The following NUP210L variants were observed in gnomAD, a reference collection of about 807,000 sequenced individuals.
NUP210L encodes the protein nuclear pore membrane glycoprotein 210-like.
A neutral mutation model predicts 208.5 loss-of-function variants in NUP210L; 74 were observed. That is an observed-to-expected ratio of 0.35 (90% confidence interval 0.29 to 0.43). NUP210L has a LOEUF of 0.43. Ranked by LOEUF, NUP210L falls within the 20% of genes least tolerant of loss-of-function variation. The pLI, the probability that NUP210L is intolerant of heterozygous loss-of-function variation, is 1.00. For synonymous variants in NUP210L, 780 were observed against 816.9 expected (o/e 0.95, Z 0.77); for missense variants, 1,843 against 2,289.4 (o/e 0.81, Z 3.98).
intron 34 of NUP210L, among the ~76,000 whole-genome samples, chr1:154,011,938 G>A (rs1033128524): frequency 1.8e-4 from 27 of 150,658 alleles, no homozygotes; most frequent in African/African-American, 5.9e-4. Flanking sequence ...TTGAACTCCC[G>A]ACCTCAGGTG....
Position 154,135,677 on chromosome 1 carries a change from T to G in NUP210L, c.1009+137A>C. The G allele has an allele frequency of 5.9e-6, 4 of 676,224 alleles. 1 individual carries two copies. The South Asian group carries it at 6.3e-5, about 11-fold the overall frequency. The allele number at this position is 676,224 out of a possible 1,614,324, so 41.9% of individuals were successfully genotyped here. A position where few individuals can be genotyped will look rare whatever the true frequency, so the allele number is the denominator to read the frequency against. ...ACCTTGTGATCAGCCCGCCTCGGCC[T>G]CCCAAAGTGCTGGAATTACAGGCGT... On this transcript the variant is annotated intron_variant, in intron 7 of 39. Coordinates refer to ENST00000368559, the Ensembl canonical transcript of NUP210L.
intron 13 of NUP210L, among the ~76,000 whole-genome samples, chr1:154,102,862 A>G (rs1571274792): frequency 4.1e-5 from 2 of 48,918 alleles, no homozygotes; most frequent in South Asian, 9.5e-4. Flanking sequence ...GACATATGGT[A>G]TATATATAAG....
chr1:154,030,643 G>A (rs1015147104), intron 27 of NUP210L, among the ~76,000 whole-genome samples: 2 of 152,086 alleles, frequency 1.3e-5, no homozygotes, highest in African/African-American at 4.8e-5. Context: ...TGGGGTACAT[G>A]AGATACTTTG....
At chr1:154,035,374 A>G (rs1652475124) in intron 27 of NUP210L, among the ~76,000 whole-genome samples, 1 of 149,268 alleles carries the variant, frequency 6.7e-6, no homozygotes, top group Non-Finnish European at 1.5e-5. Context: ...AAGATGCTTC[A>G]TTAGGCTTTT....
Position 154,152,725 on chromosome 1 carries a change from T to A in NUP210L, c.340+11A>T, listed in dbSNP as rs1417470333. 6.2e-7 allele frequency: 1 copy of A among 1,612,664 alleles called. No individual in the cohort carries two copies. The highest frequency in any genetic ancestry group is 2.2e-5 in the East Asian group (1 of 44,848). ...AAGAAGTGATACATAGTGTTTTTGC[T>A]CTCAACATACCTATTTCTCGAGCAA... On this transcript the variant is annotated intron_variant, in intron 2 of 39. Coordinates refer to ENST00000368559, the Ensembl canonical transcript of NUP210L.
intron 15 of NUP210L, among the ~76,000 whole-genome samples, chr1:154,090,965 A>G (rs1419412978): frequency 6.6e-6 from 1 of 151,782 alleles, no homozygotes; most frequent in East Asian, 1.9e-4. Context: ...TAGAATTACC[A>G]TATGATCAAG....
chr1:154,009,848 G>T, intron 35 of NUP210L, 124 bp downstream of exon 35: 8 of 709,248 alleles, frequency 1.1e-5, no homozygotes, highest in South Asian at 3.4e-5. Flanking sequence ...AATGTTGCCT[G>T]ACAAAGATTC....
At chr1:154,066,966 A>G (rs955951530) in intron 17 of NUP210L, among the ~76,000 whole-genome samples, 1 of 152,196 alleles carries the variant, frequency 6.6e-6, no homozygotes, top group African/African-American at 2.4e-5. Flanking sequence ...TACCAACCAA[A>G]AAAAGTCCAG....
intron 1 of NUP210L, among the ~76,000 whole-genome samples, chr1:154,153,230 T>C (rs1659490962): frequency 6.6e-6 from 1 of 152,172 alleles, no homozygotes; most frequent in African/African-American, 2.4e-5. Flanking sequence ...GCTTCTGATA[T>C]CTAGGATGGA....
chr1:154,058,661 C>T, exon 21 of NUP210L: 6 of 1,613,626 alleles, frequency 3.7e-6, no homozygotes, highest in Non-Finnish European at 4.2e-6. Context: ...CATAGACCTC[C>T]AAGGTAAAAA....
rs1200294757 is a variant in NUP210L at position 154,058,080 on chromosome 1, G to A, written c.3107+9C>T. 6 of 1,613,780 alleles carry A rather than the reference G, an allele frequency of 3.7e-6. No homozygotes were observed. Among genetic ancestry groups the A allele is most frequent in the Non-Finnish European group, 5.1e-6 (6 of 1,179,876 alleles). ...CAGAGTGGGAAGGAAGTATTGAAAT[G>A]GTACTTACGTCAGGGTGACAATGGC... On this transcript the variant is annotated intron_variant, in intron 22 of 39. Coordinates refer to ENST00000368559, the Ensembl canonical transcript of NUP210L.
chr1:154,062,294 T>A (rs1212335925), intron 17 of NUP210L, among the ~76,000 whole-genome samples: 1 of 152,166 alleles, frequency 6.6e-6, no homozygotes, highest in African/African-American at 2.4e-5. Flanking sequence ...CAAGTGTAAT[T>A]TTTTGTCCAA....
chr1:154,012,203 AAGAT>A, intron 34 of NUP210L, 37 bp downstream of exon 34: 2 of 1,591,678 alleles, frequency 1.3e-6, no homozygotes, highest in Non-Finnish European at 1.7e-6. Flanking sequence ...GAAAACGAGA[AAGAT>A]AGGAACAATC....
intron 38 of NUP210L, among the ~76,000 whole-genome samples, chr1:153,994,078 C>G (rs1159982989): frequency 3.3e-5 from 5 of 150,494 alleles, no homozygotes; most frequent in African/African-American, 7.3e-5. Context: ...TGGAGTCTCT[C>G]TGTGTTGCCC....
intron 15 of NUP210L, among the ~76,000 whole-genome samples, chr1:154,093,353 A>G (rs1408418615): frequency 2.0e-5 from 3 of 152,110 alleles, no homozygotes; most frequent in Non-Finnish European, 4.4e-5. Flanking sequence ...ACTTGAACCC[A>G]GGAGGTGGAG....
intron 2 of NUP210L, among the ~76,000 whole-genome samples, chr1:154,146,609 C>T (rs1659122679): frequency 9.3e-6 from 1 of 107,116 alleles, no homozygotes; most frequent in Admixed American, 1.0e-4. Flanking sequence ...GAGCAAGATC[C>T]CATCCCCCCT....
chr1:154,070,500 T>C (rs775882479), intron 16 of NUP210L, 35 bp from the exon 17 acceptor site: 33 of 1,330,586 alleles, frequency 2.5e-5, no homozygotes, highest in Non-Finnish European at 3.3e-5. Context: ...AACAACAATT[T>C]AAAAATCAAT....
chr1:154,113,153 C>T (rs953414824), intron 12 of NUP210L, among the ~76,000 whole-genome samples: 2 of 97,030 alleles, frequency 2.1e-5, no homozygotes, highest in Non-Finnish European at 3.8e-5. Context: ...GAGAAACCCT[C>T]TCTTAAAAAA....
At chr1:154,061,120 G>T in intron 18 of NUP210L, 74 bp from the exon 19 acceptor site, 1 of 1,018,398 alleles carries the variant, frequency 9.8e-7, no homozygotes, top group Non-Finnish European at 1.5e-6. Flanking sequence ...GCTTACGCTT[G>T]TAATCCCAGC....
Sources: allele counts gnomAD v4.1 joint callset (sites outside exome capture counted in the v4.1 genomes callset), GRCh38; gene constraint gnomAD v4.1.1; transcripts MANE v1.5; gene names NCBI Gene and HGNC (gene_info 2026-07-23, HGNC 2026-07-21).